The following CPA6 variants were observed in gnomAD, a reference collection of about 807,000 sequenced individuals.
CPA6 encodes carboxypeptidase B.
In CPA6, 58 loss-of-function variants were observed where a neutral mutation model predicts 63.3. That is an observed-to-expected ratio of 0.92 (90% CI 0.74 to 1.14). The LOEUF is 1.14. CPA6 is among the 50% of genes most tolerant of loss of function. CPA6 has a pLI of 0.00. For synonymous variants in CPA6, 185 were observed against 179.0 expected, an observed-to-expected ratio of 1.03 and a Z score of -0.27; for missense variants, 565 against 526.6, an observed-to-expected ratio of 1.07 and a Z score of -0.71.
At chr8:67,608,605 C>T (rs947724122) in intron 2 of CPA6, among the ~76,000 whole-genome samples, 10 of 152,244 alleles carry the variant, frequency 6.6e-5, no homozygotes, top group Non-Finnish European at 1.0e-4. Flanking sequence ...ACCAAGAGGG[C>T]GGGGTATAAA....
At chr8:67,714,869 A>G (rs1279196342) in intron 1 of CPA6, among the ~76,000 whole-genome samples, 1 of 152,186 alleles carries the variant, frequency 6.6e-6, no homozygotes, top group East Asian at 1.9e-4. Context: ...TTCTACTCTC[A>G]TTGAGCTTAT....
At chr8:67,527,188 A>G (rs1344307893) in intron 2 of CPA6, among the ~76,000 whole-genome samples, 1 of 152,234 alleles carries the variant, frequency 6.6e-6, no homozygotes, top group African/African-American at 2.4e-5. Context: ...TCTCCATGAT[A>G]TTTGATCACT....
intron 8 of CPA6, among the ~76,000 whole-genome samples, chr8:67,445,866 A>G (rs1810399095): frequency 6.6e-6 from 1 of 152,248 alleles, no homozygotes; most frequent in Admixed American, 6.5e-5. Context: ...CAAAAAATAC[A>G]TGGAAAAATG....
chr8:67,576,805 C>T (rs974414065), intron 2 of CPA6, among the ~76,000 whole-genome samples: 6 of 151,748 alleles, frequency 4.0e-5, no homozygotes, highest in African/African-American at 1.2e-4. Context: ...TGTGTGTTGG[C>T]ACGGTGGGTG....
chr8:67,483,849 A>G lies in CPA6; in HGVS notation c.757T>C (p.Trp253Arg), dbSNP rs781369203. Residue 253 changes from tryptophan to arginine, a missense_variant, in exon 8 of 11, where the codon TGG (tryptophan) becomes CGG (arginine). Transcript: ENST00000297770. Reference sequence around the variant, plus strand: ...GAGTTCCTTGACCTTGTTTTTCTCCAAAATCGATCCTAGACATAATTAAGA... The same window carrying G: ...GAGTTCCTTGACCTTGTTTTTCTCCGAAATCGATCCTAGACATAATTAAGA... ...YHFSWTNDRF[W>R]RKTRSRNSRF... 1 of 1,613,668 alleles carries G rather than the reference A, an allele frequency of 6.2e-7. No individual in the cohort carries two copies. The highest frequency in any genetic ancestry group is 1.7e-5 in the Admixed American group (1 of 60,022).
intron 1 of CPA6, among the ~76,000 whole-genome samples, chr8:67,721,415 C>T (rs1415859850): frequency 6.6e-6 from 1 of 152,178 alleles, no homozygotes; most frequent in East Asian, 1.9e-4. Context: ...TTAAATAAGT[C>T]ACATATCCAC....
chr8:67,428,212 G>A (rs896839897), intron 9 of CPA6, 81 bp from the exon 10 acceptor site: 25 of 749,240 alleles, frequency 3.3e-5, no homozygotes, highest in African/African-American at 2.1e-4. Context: ...GAGCCTCATC[G>A]ATCATCACCA....
intron 2 of CPA6, among the ~76,000 whole-genome samples, chr8:67,607,696 A>C (rs922777330): frequency 6.6e-6 from 1 of 152,140 alleles, no homozygotes; most frequent in East Asian, 1.9e-4. Context: ...TTATCTTCCA[A>C]GTTCAACTGA....
chr8:67,425,750 G>A (rs1225860427), intron 10 of CPA6, among the ~76,000 whole-genome samples: 1 of 152,142 alleles, frequency 6.6e-6, no homozygotes, highest in Non-Finnish European at 1.5e-5. Flanking sequence ...TTCAGTTAAG[G>A]ACAGAAAATA....
At chr8:67,496,259 C>T (rs1563976001) in intron 6 of CPA6, among the ~76,000 whole-genome samples, 1 of 151,840 alleles carries the variant, frequency 6.6e-6, no homozygotes, top group African/African-American at 2.4e-5. Context: ...GAATGCAGAC[C>T]CCTTAGTGCA....
chr8:67,611,850 A>G (rs779208667), intron 2 of CPA6, among the ~76,000 whole-genome samples: 5 of 152,212 alleles, frequency 3.3e-5, no homozygotes, highest in Non-Finnish European at 7.3e-5. Flanking sequence ...TTTGCGGTGC[A>G]TGGATTCCAA....
intron 1 of CPA6, among the ~76,000 whole-genome samples, chr8:67,653,727 C>A (rs975512948): frequency 1.3e-5 from 2 of 151,818 alleles, no homozygotes; most frequent in Non-Finnish European, 2.9e-5. Context: ...AATTGAATAC[C>A]CTTTATTTCC....
intron 2 of CPA6, among the ~76,000 whole-genome samples, chr8:67,592,060 C>T (rs1162323247): frequency 4.6e-5 from 7 of 152,254 alleles, no homozygotes; most frequent in Admixed American, 4.6e-4. Context: ...AGATACATCC[C>T]ATCAATACCC....
intron 1 of CPA6, among the ~76,000 whole-genome samples, chr8:67,692,308 A>G (rs566886664): frequency 1.0e-4 from 15 of 143,242 alleles, no homozygotes; most frequent in Admixed American, 2.1e-4. Flanking sequence ...AGCCTGGGCA[A>G]CAAGAGTGAA....
intron 2 of CPA6, among the ~76,000 whole-genome samples, chr8:67,603,004 C>A (rs996295302): frequency 2.6e-5 from 4 of 152,142 alleles, no homozygotes. Flanking sequence ...AAAAAACGAA[C>A]CCAAAAGCCA....
intron 8 of CPA6, among the ~76,000 whole-genome samples, chr8:67,475,881 C>CCTTT (rs763576613): frequency 0.016 from 672 of 43,042 alleles, 18 homozygotes; most frequent in East Asian, 0.025. Context: ...CTTTCTTTCT[C>CCTTT]CTTTCTTTCT....
intron 1 of CPA6, among the ~76,000 whole-genome samples, chr8:67,733,792 G>A (rs1817760537): frequency 1.3e-5 from 2 of 149,058 alleles, no homozygotes; most frequent in East Asian, 2.0e-4. Context: ...AACCTGTAGA[G>A]TTTGTGGTAG....
intron 1 of CPA6, among the ~76,000 whole-genome samples, chr8:67,631,507 AAATGCACC>A (rs1197337584): frequency 2.0e-5 from 3 of 152,190 alleles, no homozygotes; most frequent in African/African-American, 7.2e-5. Context: ...CAAGGTTCAT[AAATGCACC>A]AATCAGCACC....
At chr8:67,729,196 C>T (rs1337081793) in intron 1 of CPA6, among the ~76,000 whole-genome samples, 1 of 152,166 alleles carries the variant, frequency 6.6e-6, no homozygotes, top group Non-Finnish European at 1.5e-5. Context: ...TCAATAAGAT[C>T]CCCTAGTGTT....
Sources: allele counts gnomAD v4.1 joint callset (sites outside exome capture counted in the v4.1 genomes callset), GRCh38; gene constraint gnomAD v4.1.1; transcripts MANE v1.5; gene names NCBI Gene and HGNC (gene_info 2026-07-23, HGNC 2026-07-21).